CNTN5: variants seen among roughly 807,000 people sequenced by gnomAD.
The protein encoded by CNTN5 is contactin 5.
A neutral mutation model predicts 129.1 loss-of-function variants in CNTN5; 77 were observed. The ratio of observed to expected loss-of-function variants is 0.60; its 90% CI spans 0.50 to 0.72. The LOEUF (loss-of-function observed/expected upper bound fraction) is 0.72. Ranked by LOEUF, CNTN5 falls within the 30% of genes least tolerant of loss-of-function variation. The pLI is 0.00. For synonymous variants in CNTN5, 509 were observed against 465.6 expected (o/e 1.09, Z -1.20); for missense variants, 1,478 against 1,328.8 (o/e 1.11, Z -1.75).
rs1037821371 is a variant in CNTN5, at chr11:100,337,006, T to C, written c.2731-3457T>C. On this transcript the variant is annotated intron_variant, in intron 21 of 24. Transcript: ENST00000524871. ...GCACAGCACATTGAACCCACACACATCTCAGCTGCTTTCTGCCACTTTGAT... is the reference window on the plus strand; with the variant it reads ...GCACAGCACATTGAACCCACACACACCTCAGCTGCTTTCTGCCACTTTGAT... 9.7e-6 allele frequency: 8 copies of C among 822,626 alleles called. No individual in the cohort carries two copies. In the Admixed American group the frequency reaches 1.4e-4, roughly 14 times the overall value. 51.0% of individuals were successfully genotyped at this position (822,626 alleles called of 1,614,324 possible).
intron 2 of CNTN5, among the ~76,000 whole-genome samples, chr11:99,375,076 G>A (rs1375195551): frequency 2.0e-5 from 3 of 152,128 alleles, no homozygotes; most frequent in Non-Finnish European, 4.4e-5. Context: ...GCCAAGGCGG[G>A]TGGATCACTT....
chr11:100,288,277 C>T (rs1950850271), intron 18 of CNTN5, among the ~76,000 whole-genome samples: 1 of 145,042 alleles, frequency 6.9e-6, no homozygotes, highest in Non-Finnish European at 1.5e-5. Flanking sequence ...ATCTACAGAA[C>T]TCTCCACCCC....
chr11:100,011,443 TTC>T (rs1491530262), intron 9 of CNTN5, among the ~76,000 whole-genome samples: 3 of 152,162 alleles, frequency 2.0e-5, no homozygotes, highest in Non-Finnish European at 4.4e-5. Flanking sequence ...TTCTCTTTTT[TTC>T]TCTCTTTTTA....
intron 2 of CNTN5, among the ~76,000 whole-genome samples, chr11:99,534,310 T>C (rs1422134355): frequency 6.6e-6 from 1 of 152,222 alleles, no homozygotes; most frequent in African/African-American, 2.4e-5. Context: ...CATATTATTG[T>C]TGGTGTAAAG....
At chr11:99,678,147 C>T (rs1318740421) in intron 3 of CNTN5, among the ~76,000 whole-genome samples, 1 of 151,996 alleles carries the variant, frequency 6.6e-6, no homozygotes, top group East Asian at 1.9e-4. Flanking sequence ...TATATCACTA[C>T]ACACACACAT....
intron 2 of CNTN5, among the ~76,000 whole-genome samples, chr11:99,475,254 G>T (rs1172845089): frequency 1.3e-5 from 2 of 152,196 alleles, no homozygotes; most frequent in Non-Finnish European, 2.9e-5. Context: ...TCGTCTCCAT[G>T]TCTCATGGCT....
chr11:99,762,384 T>A (rs1461856109), intron 3 of CNTN5, among the ~76,000 whole-genome samples: 1 of 151,928 alleles, frequency 6.6e-6, no homozygotes, highest in African/African-American at 2.4e-5. Flanking sequence ...TCTTTTAGGG[T>A]TTTTATGGTT....
intron 1 of CNTN5, among the ~76,000 whole-genome samples, chr11:99,027,269 T>C (rs1384653405): frequency 6.6e-6 from 1 of 151,608 alleles, no homozygotes; most frequent in African/African-American, 2.4e-5. Flanking sequence ...TTTCTTTTTT[T>C]CCTAGTAATA....
At chr11:99,202,647 TG>T (rs1437207185) in intron 1 of CNTN5, among the ~76,000 whole-genome samples, 15 of 152,154 alleles carry the variant, frequency 9.9e-5, no homozygotes, top group African/African-American at 3.4e-4. Context: ...CTTTAGTTTT[TG>T]GGTTGTTTTT....
chr11:99,886,045 TA>T, intron 6 of CNTN5, among the ~76,000 whole-genome samples: 1 of 152,212 alleles, frequency 6.6e-6, no homozygotes, highest in Non-Finnish European at 1.5e-5. Flanking sequence ...GTATCTACAT[TA>T]AAAAATTAAG....
intron 13 of CNTN5, among the ~76,000 whole-genome samples, chr11:100,100,418 C>T (rs1591243614): frequency 2.0e-5 from 3 of 152,234 alleles, no homozygotes; most frequent in African/African-American, 7.2e-5. Flanking sequence ...TTTTGGAAAA[C>T]TTTCCTGAGC....
intron 1 of CNTN5, among the ~76,000 whole-genome samples, chr11:99,097,282 T>C (rs927278099): frequency 1.3e-5 from 2 of 151,866 alleles, no homozygotes; most frequent in African/African-American, 2.4e-5. Context: ...CATTAGACAA[T>C]ATGAGTACAA....
intron 13 of CNTN5, among the ~76,000 whole-genome samples, chr11:100,181,822 T>C (rs925364634): frequency 2.0e-5 from 3 of 152,018 alleles, no homozygotes; most frequent in Admixed American, 6.6e-5. Context: ...CTAAGATCTA[T>C]AGACCAATAA....
At position 99,817,596 on chromosome 11, in the gene CNTN5, GTTTTTTTTTTTTTT is replaced by G. The variant is rs372057505; in HGVS notation, c.56-1937_56-1924del. 1.0e-4 allele frequency among the ~76,000 whole-genome samples: 10 copies of G among 99,642 alleles called. 1 individual carries two copies. The highest frequency in any genetic ancestry group is 3.5e-4 in the African/African-American group (9 of 25,492). 65.4% of individuals were successfully genotyped at this position (99,642 alleles called of 152,430 possible). A position where few individuals can be genotyped will look rare whatever the true frequency, so the allele number is the denominator to read the frequency against. ...TAATTGTTAATACTAGTCTGGGATA[GTTTTTTTTTTTTTT>G]TTTTTTTTTTCCTTTATAAATGAGC... On this transcript the variant is annotated intron_variant, in intron 3 of 24. Transcript: ENST00000524871.
At chr11:99,939,035 C>CT (rs1467086484) in intron 7 of CNTN5, among the ~76,000 whole-genome samples, 1 of 152,060 alleles carries the variant, frequency 6.6e-6, no homozygotes, top group African/African-American at 2.4e-5. Flanking sequence ...AGTAGACTGA[C>CT]TACCTTTTAT....
intron 1 of CNTN5, among the ~76,000 whole-genome samples, chr11:99,094,973 T>C (rs893523582): frequency 7.2e-5 from 11 of 152,008 alleles, no homozygotes; most frequent in Admixed American, 5.9e-4. Flanking sequence ...ATTATTATTA[T>C]TAGGTTTCTA....
chr11:99,054,045 C>T (rs1036222103), intron 1 of CNTN5, among the ~76,000 whole-genome samples: 1 of 151,852 alleles, frequency 6.6e-6, no homozygotes, highest in Non-Finnish European at 1.5e-5. Flanking sequence ...GGAAAGCATG[C>T]CATTTAGAAA....
chr11:99,312,339 T>C (rs539858189), intron 1 of CNTN5, among the ~76,000 whole-genome samples: 107 of 152,284 alleles, frequency 7.0e-4, no homozygotes, highest in Middle Eastern at 3.4e-3. Flanking sequence ...CTTACTTGCT[T>C]TTTGAATAGA....
At chr11:99,952,347 A>G (rs922881786) in intron 7 of CNTN5, among the ~76,000 whole-genome samples, 2 of 152,176 alleles carry the variant, frequency 1.3e-5, no homozygotes, top group Non-Finnish European at 2.9e-5. Context: ...TCATCATGAA[A>G]GAGAGGAGAT....
Sources: gnomAD v4.1 joint callset for allele counts (sites outside exome capture counted in the v4.1 genomes callset) on GRCh38, gnomAD v4.1.1 for gene constraint, MANE v1.5 for transcripts, NCBI Gene and HGNC (gene_info 2026-07-23, HGNC 2026-07-21) for gene names.